DIAPH2: variants seen among roughly 807,000 people sequenced by gnomAD.
DIAPH2 encodes the protein diaphanous related formin 2, also known as protein diaphanous homolog 2.
Under a neutral mutation model 92.7 loss-of-function variants are expected in DIAPH2, and 35 were observed. That is an observed-to-expected ratio of 0.38 (90% CI 0.29 to 0.50). DIAPH2 has a LOEUF of 0.50. DIAPH2 is among the 20% of genes least tolerant of loss of function. The pLI is 0.94. For synonymous variants in DIAPH2, 301 were observed against 280.4 expected, an observed-to-expected ratio of 1.07 and a Z score of -0.73; for missense variants, 701 against 819.5, an observed-to-expected ratio of 0.86 and a Z score of 1.77.
intron 26 of DIAPH2, among the ~76,000 whole-genome samples, chrX:97,467,233 A>G (rs957158338): frequency 1.8e-5 from 2 of 112,227 alleles, no homozygotes; most frequent in Admixed American, 9.5e-5. Context: ...AATGTTAACT[A>G]TAGCTTCCAT....
At chrX:97,170,509 A>G (rs1042653912) in intron 22 of DIAPH2, among the ~76,000 whole-genome samples, 2 of 112,229 alleles carry the variant, frequency 1.8e-5, no homozygotes, top group Non-Finnish European at 3.8e-5. Context: ...GTCTGACAAC[A>G]TGAGCCTGAC....
intron 5 of DIAPH2, chrX:96,883,962 C>T: frequency 6.2e-6 from 1 of 160,784 alleles, no homozygotes; most frequent in African/African-American, 3.0e-5. Context: ...TGAAATTACA[C>T]GTGGGACTTT....
chrX:97,326,366 ATAT>A (rs1293996302), intron 23 of DIAPH2, among the ~76,000 whole-genome samples: 5 of 112,061 alleles, frequency 4.5e-5, no homozygotes, highest in African/African-American at 1.6e-4. Flanking sequence ...CGACCGCCAT[ATAT>A]TATTAACATC....
At chrX:97,562,865 AC>A (rs902706303) in intron 26 of DIAPH2, among the ~76,000 whole-genome samples, 3 of 111,506 alleles carry the variant, frequency 2.7e-5, no homozygotes, top group African/African-American at 9.8e-5. Context: ...TAACAAAGAT[AC>A]CCCCCAAATC....
In DIAPH2 at chrX:96,685,072, GGGC is replaced by G; in HGVS notation, c.22_24del (p.Ala8del). On this transcript the variant is annotated inframe_deletion, in exon 1 of 27. Transcript: ENST00000324765. ...GGCCGGAGAAAGATGGAGCAGCCCG[GGGC>G]GGCGGCGTCGGGAGCGGGAGGCGGC... 1 of 1,005,651 alleles carries G rather than the reference GGGC, an allele frequency of 9.9e-7. No homozygotes were observed. The highest frequency in any genetic ancestry group is 1.3e-6 in the Non-Finnish European group (1 of 789,652). The allele number at this position is 1,005,651 out of a possible 1,213,427, so 82.9% of individuals were successfully genotyped here.
At chrX:97,242,891 A>G (rs967931481) in intron 22 of DIAPH2, among the ~76,000 whole-genome samples, 154 of 109,617 alleles carry the variant, frequency 1.4e-3, no homozygotes, top group Non-Finnish European at 2.6e-3. Flanking sequence ...GGTTCATGCC[A>G]TTCTCCTGCC....
At chrX:96,721,977 G>A (rs2063990966) in intron 1 of DIAPH2, among the ~76,000 whole-genome samples, 2 of 111,580 alleles carry the variant, frequency 1.8e-5, no homozygotes, top group African/African-American at 3.3e-5. Flanking sequence ...CTCTCTTTAG[G>A]TCTAGCTTTT....
chrX:96,883,751 C>T (rs980443432), intron 5 of DIAPH2, among the ~76,000 whole-genome samples: 4 of 110,903 alleles, frequency 3.6e-5, no homozygotes, highest in Non-Finnish European at 5.7e-5. Context: ...TACGGTGGTG[C>T]ATTTTTCCCC....
intron 4 of DIAPH2, among the ~76,000 whole-genome samples, chrX:96,879,231 TG>T (rs11325568): frequency 0.023 from 2,576 of 110,902 alleles, 72 homozygotes; most frequent in African/African-American, 0.08. Flanking sequence ...GAATGTGGGG[TG>T]GGGAGAAGAC....
chrX:97,247,777 C>A lies in DIAPH2; in HGVS notation c.2782C>A (p.Arg928Ser). ...GGAACAACAAATTGTTCATCTGGAA[C>A]GTGACATCAAGAAATTCCCCCAAGC... is the stretch of plus-strand genomic sequence containing the variant. ...SMEQQIVHLE[R>S]DIKKFPQAEN... The change falls in exon 23 of 27, where the codon CGT becomes AGT. Residue 928 changes from arginine to serine, a missense_variant. Physicochemically the swap from Arg to Ser is moderately radical, Grantham distance 110 (BLOSUM62 -1). This residue lies in a region of DIAPH2 where 536 missense variants were observed against 599.3 expected (regional missense o/e 0.89). Coordinates refer to ENST00000324765, the MANE Select transcript of DIAPH2 (RefSeq NM_006729.5). 2 of 1,205,269 alleles carry A rather than the reference C, an allele frequency of 1.7e-6. No individual in the cohort carries two copies. Among genetic ancestry groups the A allele is most frequent in the South Asian group, 1.8e-5 (1 of 56,614 alleles).
At chrX:96,808,843 T>A (rs752279118) in intron 4 of DIAPH2, among the ~76,000 whole-genome samples, 2 of 111,929 alleles carry the variant, frequency 1.8e-5, no homozygotes, top group African/African-American at 3.2e-5. Context: ...TTTTCTTCTA[T>A]TGATGGTTGT....
intron 26 of DIAPH2, among the ~76,000 whole-genome samples, chrX:97,457,584 T>C (rs1470154341): frequency 8.9e-6 from 1 of 111,817 alleles, no homozygotes; most frequent in Non-Finnish European, 1.9e-5. Context: ...AGTCAAGATA[T>C]TGGACCGGGC....
chrX:96,774,269 A>G (rs866008673), intron 4 of DIAPH2, among the ~76,000 whole-genome samples: 3 of 111,771 alleles, frequency 2.7e-5, no homozygotes, highest in Middle Eastern at 9.3e-3. Context: ...GATTTGGTGG[A>G]TTTCAGGCAG....
intron 25 of DIAPH2, among the ~76,000 whole-genome samples, chrX:97,387,831 T>C (rs2069616870): frequency 9.0e-6 from 1 of 111,710 alleles, no homozygotes; most frequent in South Asian, 3.8e-4. Flanking sequence ...GATGGTATGC[T>C]TCACAGAGAA....
intron 4 of DIAPH2, among the ~76,000 whole-genome samples, chrX:96,795,329 C>A (rs1231971333): frequency 2.7e-5 from 3 of 110,253 alleles, no homozygotes; most frequent in East Asian, 5.7e-4. Context: ...TTATATATTT[C>A]TTGAGACTAG....
chrX:97,234,471 G>A (rs1040504576), intron 22 of DIAPH2, among the ~76,000 whole-genome samples: 3 of 111,367 alleles, frequency 2.7e-5, no homozygotes, highest in African/African-American at 9.8e-5. Context: ...TCCCCAAGGG[G>A]GCATTTTTGT....
Position 96,933,165 on chromosome X carries a change from G to A in DIAPH2, c.1089+2322G>A, listed in dbSNP as rs780114379. 2.5e-4 allele frequency among the ~76,000 whole-genome samples: 28 copies of A among 110,086 alleles called. No individual in the cohort carries two copies. In the East Asian group the frequency reaches 7.9e-3, roughly 31 times the overall value. ...TATGACTCTGATTCTCAACTAAGAG[G>A]TTGGGCATGTCCCCCTAAAATCTTA... is the stretch of plus-strand genomic sequence containing the variant. On this transcript the variant is annotated intron_variant, in intron 10 of 26. Transcript: ENST00000324765.
At chrX:96,974,790 A>G (rs770403487) in intron 17 of DIAPH2, among the ~76,000 whole-genome samples, 81 of 111,433 alleles carry the variant, frequency 7.3e-4, no homozygotes, top group Non-Finnish European at 1.3e-3. Flanking sequence ...TATAGTAATT[A>G]TAGACAATAA....
chrX:97,007,761 C>CCTT (rs1291521889), intron 17 of DIAPH2, among the ~76,000 whole-genome samples: 9 of 80,963 alleles, frequency 1.1e-4, no homozygotes, highest in African/African-American at 4.4e-4. Context: ...TTCTTTTTTT[C>CCTT]TTTTTTTTTT....
Sources: gnomAD v4.1 joint callset for allele counts (sites outside exome capture counted in the v4.1 genomes callset) on GRCh38, gnomAD v4.1.1 for gene constraint, gnomAD v4.1.1 regional missense constraint, MANE v1.5 for transcripts, NCBI Gene and HGNC (gene_info 2026-07-23, HGNC 2026-07-21) for gene names.